Variants in PCDHA8 observed in about 807,000 individuals in gnomAD.
PCDHA8 encodes protocadherin alpha-8.
A neutral mutation model predicts 61.8 loss-of-function variants in PCDHA8; 53 were observed. The ratio of observed to expected loss-of-function variants is 0.86; its 90% confidence interval spans 0.69 to 1.08. The LOEUF is 1.08. Among genes scored for constraint, PCDHA8 ranks in the 50% least tolerant of loss-of-function variants. The pLI is 0.00. For synonymous variants in PCDHA8, 618 were observed against 556.6 expected (o/e 1.11, Z -1.55); for missense variants, 1,293 against 1,245.0 (o/e 1.04, Z -0.58).
intron 1 of PCDHA8, chr5:140,849,159 C>T (rs1554142780): frequency 2.5e-6 from 3 of 1,184,538 alleles, no homozygotes; most frequent in Non-Finnish European, 3.5e-6. Context: ...CAAACCCGAG[C>T]TGACTGGCAC....
At chr5:140,850,268 G>T in intron 1 of PCDHA8, 1 of 1,594,774 alleles carries the variant, frequency 6.3e-7, no homozygotes, top group Non-Finnish European at 8.6e-7. Flanking sequence ...GCGTAGTGGT[G>T]GGGAAGGTGC....
intron 1 of PCDHA8, chr5:140,929,118 A>G: frequency 2.5e-6 from 4 of 1,614,150 alleles, no homozygotes; most frequent in Non-Finnish European, 3.4e-6. Flanking sequence ...CAGCCACCAT[A>G]GATGTCACTA....
intron 1 of PCDHA8, chr5:140,848,534 T>C (rs2150412178): frequency 6.3e-7 from 1 of 1,595,182 alleles, no homozygotes; most frequent in Non-Finnish European, 8.6e-7. Flanking sequence ...AGGGTCAGCC[T>C]CTACTGCTCT....
chr5:140,849,774 G>GTA (rs2150449432), intron 1 of PCDHA8: 1 of 1,598,482 alleles, frequency 6.3e-7, no homozygotes, highest in Non-Finnish European at 8.6e-7. Context: ...GGTGGTTACC[G>GTA]CGCGGGACGG....
chr5:140,894,790 T>G lies in PCDHA8; in HGVS notation c.2394+51075T>G, dbSNP rs943284227. On this transcript the variant is annotated intron_variant, in intron 1 of 3. Coordinates refer to ENST00000531613, the MANE Select transcript of PCDHA8 (RefSeq NM_018911.3). ...TCCTTTAGTGTAATTATTTGTCCTC[T>G]CCTTTAAAAATAATTTTATATCAGA... Among the ~76,000 whole-genome samples, 13 of 152,282 alleles carry G rather than the reference T, an allele frequency of 8.5e-5. No individual in the cohort carries two copies. The South Asian group carries it at 2.5e-3, about 29-fold the overall frequency.
chr5:141,004,880 G>A (rs940142127), intron 3 of PCDHA8, among the ~76,000 whole-genome samples: 2 of 152,172 alleles, frequency 1.3e-5, no homozygotes, highest in Admixed American at 6.5e-5. Context: ...TCCCTAAAGT[G>A]CTATTGTGTC....
chr5:140,869,933 T>A, intron 1 of PCDHA8: 1 of 1,611,316 alleles, frequency 6.2e-7, no homozygotes, highest in Non-Finnish European at 8.5e-7. Context: ...AATGGAGAGG[T>A]AACATACTCC....
intron 1 of PCDHA8, chr5:140,870,088 A>G: frequency 1.9e-6 from 3 of 1,613,934 alleles, no homozygotes; most frequent in Non-Finnish European, 2.5e-6. Flanking sequence ...GACTCCCCCA[A>G]TGGCAGGTCA....
intron 1 of PCDHA8, chr5:140,881,407 A>G (rs2058705270): frequency 1.0e-6 from 1 of 956,680 alleles, no homozygotes; most frequent in South Asian, 4.8e-5. Flanking sequence ...TATTAAATCA[A>G]TAGGATATTA....
At chr5:140,927,165 T>A in intron 1 of PCDHA8, 1 of 1,614,164 alleles carries the variant, frequency 6.2e-7, no homozygotes, top group Non-Finnish European at 8.5e-7. Context: ...GGGCCAAAGC[T>A]GCCTGCGTCT....
chr5:140,874,772 T>C (rs2055099588), intron 1 of PCDHA8, among the ~76,000 whole-genome samples: 1 of 152,270 alleles, frequency 6.6e-6, no homozygotes, highest in South Asian at 2.1e-4. Flanking sequence ...TCCATATTTA[T>C]GATGAATTCT....
chr5:140,976,798 A>G (rs571590033), intron 1 of PCDHA8, among the ~76,000 whole-genome samples: 169 of 152,368 alleles, frequency 1.1e-3, no homozygotes, highest in Admixed American at 1.8e-3. Context: ...GCTTTTATGA[A>G]TATCTGAAGA....
chr5:140,957,346 G>C (rs1027225386), intron 1 of PCDHA8, among the ~76,000 whole-genome samples: 7 of 152,080 alleles, frequency 4.6e-5, no homozygotes, highest in Non-Finnish European at 8.8e-5. Flanking sequence ...TTTTGAGAGA[G>C]AGACCACATT....
At chr5:140,928,729 G>A (rs2085477021) in intron 1 of PCDHA8, 1 of 1,613,996 alleles carries the variant, frequency 6.2e-7, no homozygotes, top group Non-Finnish European at 8.5e-7. Context: ...TAGAATTTCA[G>A]CCAATATAGG....
chr5:140,992,393 A>C (rs2097508684), intron 3 of PCDHA8, among the ~76,000 whole-genome samples: 1 of 152,180 alleles, frequency 6.6e-6, no homozygotes, highest in South Asian at 2.1e-4. Context: ...TTCTGGACTT[A>C]GAGATATTGT....
chr5:140,853,402 A>C, intron 1 of PCDHA8: 1 of 986,360 alleles, frequency 1.0e-6, no homozygotes, highest in Non-Finnish European at 1.2e-6. Context: ...CAAGTTCAAA[A>C]CAGAGAGGTG....
intron 1 of PCDHA8, chr5:140,875,368 T>G (rs745982019): frequency 1.3e-5 from 19 of 1,449,988 alleles, no homozygotes; most frequent in Non-Finnish European, 1.7e-5. Context: ...TGGAAAAAAT[T>G]TACTAAATAT....
At chr5:140,883,570 G>T (rs1554178743) in intron 1 of PCDHA8, 1 of 1,614,098 alleles carries the variant, frequency 6.2e-7, no homozygotes, top group South Asian at 1.1e-5. Context: ...GCTCGCCTTC[G>T]CTGTGGGCCA....
At chr5:140,930,993 C>T (rs1275430453) in intron 1 of PCDHA8, among the ~76,000 whole-genome samples, 1 of 152,140 alleles carries the variant, frequency 6.6e-6, no homozygotes, top group African/African-American at 2.4e-5. Flanking sequence ...TCATGACCTA[C>T]ACTAATAACA....
Sources: gnomAD v4.1 joint callset for allele counts (sites outside exome capture counted in the v4.1 genomes callset) on GRCh38, gnomAD v4.1.1 for gene constraint, MANE v1.5 for transcripts, NCBI Gene and HGNC (gene_info 2026-07-23, HGNC 2026-07-21) for gene names.